Variants in ZFHX4 observed in about 807,000 individuals in gnomAD.
ZFHX4 encodes the protein zinc finger homeobox 4.
In ZFHX4, 56 loss-of-function variants were observed where a neutral mutation model predicts 267.6. That is an observed-to-expected ratio of 0.21 (90% CI 0.17 to 0.26). ZFHX4 has a LOEUF of 0.26. ZFHX4 is among the 10% of genes least tolerant of loss of function. The pLI is 1.00. For missense variants in ZFHX4, 4,332 were observed against 4,420.0 expected (o/e 0.98, Z 0.56); for synonymous variants, 1,778 against 1,665.6 (o/e 1.07, Z -1.64).
At chr8:76,844,674 T>C (rs1812320582) in intron 6 of ZFHX4, among the ~76,000 whole-genome samples, 1 of 152,074 alleles carries the variant, frequency 6.6e-6, no homozygotes, top group Non-Finnish European at 1.5e-5. Context: ...ATATAGACAA[T>C]AGTATAATGG....
In ZFHX4 at chr8:76,855,615, CA is replaced by C; in HGVS notation, c.8695del (p.Ser2899AlafsTer6). 6.2e-7 allele frequency: 1 copy of C among 1,613,794 alleles called. No homozygotes were observed. The highest frequency in any genetic ancestry group is 8.5e-7 in the Non-Finnish European group (1 of 1,179,756). ...TDDPDDNADR[S>X]ETSSIADPSS... ...ATGACCCGGATGACAACGCCGACCG[CA>C]GCGAAACGTCCAGCATAGCGGACCC... is the stretch of plus-strand genomic sequence containing the variant. On this transcript the variant is annotated frameshift_variant, in exon 10 of 11. Coordinates refer to ENST00000651372, the MANE Select transcript of ZFHX4 (RefSeq NM_024721.5). LOFTEE classifies it high-confidence loss of function.
chr8:76,826,557 T>G (rs1474851913), intron 4 of ZFHX4, among the ~76,000 whole-genome samples: 1 of 152,174 alleles, frequency 6.6e-6, no homozygotes, highest in African/African-American at 2.4e-5. Context: ...TTTCATGAAT[T>G]AAAAACTAGC....
chr8:76,687,953 T>C (rs904634423), intron 1 of ZFHX4, among the ~76,000 whole-genome samples: 1 of 152,298 alleles, frequency 6.6e-6, no homozygotes, highest in African/African-American at 2.4e-5. Context: ...TTTATGTCTA[T>C]GCTCCGCTCT....
rs1249810074 is a variant in ZFHX4, at chr8:76,864,729, G to A, written c.*164G>A. 2 of 531,298 alleles carry A rather than the reference G, an allele frequency of 3.8e-6. No homozygotes were observed. Among genetic ancestry groups the A allele is most frequent in the South Asian group, 3.6e-5 (1 of 28,026 alleles). The allele number at this position is 531,298 out of a possible 1,614,324, so 32.9% of individuals were successfully genotyped here. On this transcript the variant is annotated 3_prime_UTR_variant, in exon 11 of 11. Coordinates refer to ENST00000651372, the MANE Select transcript of ZFHX4 (RefSeq NM_024721.5). ...TATTGATATGCTGGCAATATAGGAT[G>A]GTATGTAATGGACAGAACTGATGCA...
At chr8:76,740,946 A>T (rs1220232639) in intron 3 of ZFHX4, among the ~76,000 whole-genome samples, 3 of 152,194 alleles carry the variant, frequency 2.0e-5, no homozygotes, top group African/African-American at 7.2e-5. Flanking sequence ...GTTTTGAAAA[A>T]TCACATCAAT....
chr8:76,808,676 G>A (rs961218682), intron 4 of ZFHX4, among the ~76,000 whole-genome samples: 5 of 151,968 alleles, frequency 3.3e-5, no homozygotes, highest in African/African-American at 1.2e-4. Context: ...ATATTGATTG[G>A]CCCTTTCTAC....
intron 5 of ZFHX4, 109 bp downstream of exon 5, chr8:76,833,515 C>A (rs1436879038): frequency 1.3e-6 from 1 of 785,322 alleles, no homozygotes. Context: ...CTAATTAGAT[C>A]TGATCATATG....
chr8:76,861,900 T>C (rs1812878299), intron 10 of ZFHX4, among the ~76,000 whole-genome samples: 1 of 151,968 alleles, frequency 6.6e-6, no homozygotes, highest in South Asian at 2.1e-4. Context: ...TTATTCACCT[T>C]CTCCTGGTTA....
intron 10 of ZFHX4, 148 bp from the exon 11 acceptor site, chr8:76,862,946 G>T: frequency 8.5e-7 from 1 of 1,177,332 alleles, no homozygotes; most frequent in Non-Finnish European, 1.1e-6. Context: ...TGAAGTTCTA[G>T]GTGGTGATCA....
At chr8:76,849,924 A>G in intron 8 of ZFHX4, 2 of 604,002 alleles carry the variant, frequency 3.3e-6, no homozygotes, top group Non-Finnish European at 5.8e-6. Flanking sequence ...AGTAAAGAAC[A>G]TTATTTTGCA....
intron 10 of ZFHX4, among the ~76,000 whole-genome samples, chr8:76,859,236 G>A (rs1812807344): frequency 6.6e-6 from 1 of 152,106 alleles, no homozygotes; most frequent in Non-Finnish European, 1.5e-5. Flanking sequence ...TTACTAAGAA[G>A]GCCCTTTCAA....
rs1168677514 is a variant in ZFHX4 at position 76,854,082 on chromosome 8, C to T, written c.7161C>T (p.Thr2387=). The T allele has an allele frequency of 1.9e-6, 3 of 1,613,792 alleles. No individual in the cohort carries two copies. The African/African-American group carries it at 4.0e-5, about 22-fold the overall frequency. Residue 2387 remains threonine, a synonymous_variant, in exon 10 of 11, where the codon ACC becomes ACT. Coordinates refer to ENST00000651372, the MANE Select transcript of ZFHX4 (RefSeq NM_024721.5). ...CTGCAGCAAGTTCTGGCTCTGGGAC[C>T]AGCACCCCCCTGATTCCATCACCCA... ...AAPAASSGSG[T]STPLIPSPKP...
intron 3 of ZFHX4, among the ~76,000 whole-genome samples, chr8:76,751,124 G>A (rs1809603922): frequency 6.6e-6 from 1 of 152,082 alleles, no homozygotes; most frequent in South Asian, 2.1e-4. Flanking sequence ...GGAATTCACA[G>A]AAGATCAATT....
Position 76,704,162 on chromosome 8 carries a change from C to G in ZFHX4, c.74C>G (p.Thr25Arg), listed in dbSNP as rs1808178091. 2 of 1,613,798 alleles carry G rather than the reference C, an allele frequency of 1.2e-6. No homozygotes were observed. Among genetic ancestry groups the G allele is most frequent in the Non-Finnish European group, 1.7e-6 (2 of 1,179,894 alleles). ...GQSTSKLCGT[T>R]QLDNEVPEKV... is the part of the protein sequence containing the mutation. ...AGCACATCAAAGCTATGTGGAACGA[C>G]ACAACTTGATAATGAGGTGCCAGAG... Residue 25 changes from threonine to arginine, a missense_variant, in exon 2 of 11, where the codon ACA (threonine) becomes AGA (arginine). Transcript: ENST00000651372.
At chr8:76,707,361 T>C (rs1808303658) in intron 2 of ZFHX4, among the ~76,000 whole-genome samples, 185 bp from the exon 3 acceptor site, 1 of 152,208 alleles carries the variant, frequency 6.6e-6, no homozygotes, top group Non-Finnish European at 1.5e-5. Context: ...TAAAGCTATC[T>C]GATGAGGGAA....
intron 4 of ZFHX4, among the ~76,000 whole-genome samples, chr8:76,808,910 G>GTCTCTC (rs377750059): frequency 2.1e-5 from 3 of 144,348 alleles, no homozygotes; most frequent in Admixed American, 2.1e-4. Flanking sequence ...CTATCTCTCT[G>GTCTCTC]TCTCTCTCTC....
At chr8:76,802,020 A>G (rs890434739) in intron 4 of ZFHX4, among the ~76,000 whole-genome samples, 8 of 152,174 alleles carry the variant, frequency 5.3e-5, no homozygotes, top group Non-Finnish European at 8.8e-5. Flanking sequence ...AAAAGTATGA[A>G]AGCGTAATAG....
At chr8:76,694,718 C>CGA (rs1807911879) in intron 1 of ZFHX4, among the ~76,000 whole-genome samples, 1 of 134,544 alleles carries the variant, frequency 7.4e-6, no homozygotes, top group Non-Finnish European at 1.6e-5. Context: ...CCGCCCCCGC[C>CGA]CCACCATCCT....
At position 76,704,805 on chromosome 8, in the gene ZFHX4, C is replaced by T; in HGVS notation, c.717C>T (p.Asp239=). The T allele has an allele frequency of 6.2e-7, 1 of 1,614,156 alleles. No homozygotes were observed. Among genetic ancestry groups the T allele is most frequent in the South Asian group, 1.1e-5 (1 of 91,082 alleles). Reference sequence around the variant, plus strand: ...ATCTCCGACACAAGAGAGAGAAAGACTATCTAACCAGTGATGGCTCAGCCA... The same window carrying T: ...ATCTCCGACACAAGAGAGAGAAAGATTATCTAACCAGTGATGGCTCAGCCA... ...VYDLRHKREK[D]YLTSDGSAKN... Residue 239 remains aspartate (D), a synonymous_variant, in exon 2 of 11, where the codon GAC becomes GAT. Coordinates refer to ENST00000651372, the MANE Select transcript of ZFHX4 (RefSeq NM_024721.5).
Sources: allele counts gnomAD v4.1 joint callset (sites outside exome capture counted in the v4.1 genomes callset), GRCh38; gene constraint gnomAD v4.1.1; transcripts MANE v1.5; gene names NCBI Gene and HGNC (gene_info 2026-07-23, HGNC 2026-07-21).